Variants in GHITM observed in about 807,000 individuals in gnomAD.
GHITM encodes the protein growth hormone-inducible transmembrane protein.
A neutral mutation model predicts 38.7 loss-of-function variants in GHITM; 24 were observed. The ratio of observed to expected loss-of-function variants is 0.62; its 90% CI spans 0.45 to 0.87. GHITM has a LOEUF of 0.87. Ranked by LOEUF, GHITM falls within the 40% of genes least tolerant of loss-of-function variation. The pLI, the probability that GHITM is intolerant of heterozygous loss-of-function variation, is 0.00. For missense variants in GHITM, 420 were observed against 429.8 expected, an observed-to-expected ratio of 0.98 and a Z score of 0.20; for synonymous variants, 154 against 147.8, an observed-to-expected ratio of 1.04 and a Z score of -0.30.
intron 1 of GHITM, chr10:84,140,312 A>G (rs1304516143): frequency 6.6e-6 from 1 of 152,254 alleles, no homozygotes; most frequent in East Asian, 1.9e-4. Context: ...TAAGACCCTT[A>G]ATAGTTCAGT....
Position 84,152,382 on chromosome 10 carries a change from A to C in GHITM, c.*34A>C, listed in dbSNP as rs764675575. 1 of 1,226,570 alleles carries C rather than the reference A, an allele frequency of 8.2e-7. No homozygotes were observed. Among genetic ancestry groups the C allele is most frequent in the Non-Finnish European group, 1.2e-6 (1 of 835,128 alleles). 76.0% of individuals were successfully genotyped at this position (1,226,570 alleles called of 1,614,324 possible). On this transcript the variant is annotated 3_prime_UTR_variant, in exon 9 of 9. Coordinates refer to ENST00000372134, the MANE Select transcript of GHITM (RefSeq NM_014394.3). Reference sequence around the variant, plus strand: ...AGCTTCTGGCTTCTCTGCTACATCAAATATCTTGTTTAATGGGGCAGATAT... The same window carrying C: ...AGCTTCTGGCTTCTCTGCTACATCACATATCTTGTTTAATGGGGCAGATAT...
intron 1 of GHITM, chr10:84,140,419 T>A (rs1267200581): frequency 6.6e-6 from 1 of 152,092 alleles, no homozygotes; most frequent in East Asian, 1.9e-4. Context: ...TTCCTAGGGG[T>A]AGAATCATTA....
Position 84,152,272 on chromosome 10 carries a change from G to A in GHITM, c.962G>A (p.Ser321Asn). ...QKYDPINSML[S>N]IYMDTLNIFM... ...ATAATTTTCTTTTCTAGGATGCTGA[G>A]TATCTACATGGATACATTAAATATA... Residue 321 changes from serine to asparagine, a missense_variant, in exon 9 of 9, where the codon AGT becomes AAT. Physicochemically the swap from Ser to Asn is conservative, Grantham distance 46. Transcript: ENST00000372134. 1.3e-6 allele frequency: 2 copies of A among 1,562,794 alleles called. No individual in the cohort carries two copies. The highest frequency in any genetic ancestry group is 1.8e-6 in the Non-Finnish European group (2 of 1,137,188).
At chr10:84,150,617 A>C in intron 7 of GHITM, 92 bp from the exon 8 acceptor site, 2 of 1,004,800 alleles carry the variant, frequency 2.0e-6, no homozygotes, top group South Asian at 3.4e-5. Flanking sequence ...ACAGTATACC[A>C]AGGAGATTTT....
intron 5 of GHITM, among the ~76,000 whole-genome samples, chr10:84,145,879 T>A (rs1407124966): frequency 2.0e-5 from 3 of 152,144 alleles, no homozygotes; most frequent in African/African-American, 7.2e-5. Flanking sequence ...TGTTGAAGGC[T>A]AACATGTCTC....
At chr10:84,143,240 A>G (rs1383105783) in intron 3 of GHITM, among the ~76,000 whole-genome samples, 2 of 152,200 alleles carry the variant, frequency 1.3e-5, no homozygotes, top group Non-Finnish European at 2.9e-5. Context: ...AAGTTCAGAA[A>G]CTAGATTGTT....
intron 5 of GHITM, among the ~76,000 whole-genome samples, chr10:84,147,630 G>GT (rs975706234): frequency 4.7e-5 from 7 of 149,934 alleles, no homozygotes; most frequent in Admixed American, 2.0e-4. Context: ...TTTTTTGTTT[G>GT]TTTTTTTAAA....
At position 84,144,030 on chromosome 10, in the gene GHITM, G is replaced by T. The variant is rs766574333; in HGVS notation, c.265G>T (p.Ala89Ser). The T allele has an allele frequency of 4.3e-6, 7 of 1,614,020 alleles. No homozygotes were observed. The highest frequency in any genetic ancestry group is 5.9e-6 in the Non-Finnish European group (7 of 1,179,904). The change falls in exon 4 of 9, where the codon GCT becomes TCT. Residue 89 changes from alanine to serine, a missense_variant. By Grantham distance (99) the Ala-to-Ser change is moderately conservative. Transcript: ENST00000372134. ...GGGAAGATGGTTTGTTGCTGGAGGGGCTGCTGTTGGTCTTGGAGCATTGTG... is the reference window on the plus strand; with the variant it reads ...GGGAAGATGGTTTGTTGCTGGAGGGTCTGCTGTTGGTCTTGGAGCATTGTG... ...QMGRWFVAGGAAVGLGALCYY... is the reference protein window; with the variant it reads ...QMGRWFVAGGSAVGLGALCYY...
chr10:84,153,360 A>G lies in GHITM; in HGVS notation c.*1012A>G, dbSNP rs1438444042. On this transcript the variant is annotated 3_prime_UTR_variant, in exon 9 of 9. Transcript: ENST00000372134. ...TCTCGCATTGCCTCTCAGACTAAGC[A>G]CTAAAAAGCAAAGCAAAACAGAACT... 3 of 152,188 alleles carry G rather than the reference A, an allele frequency of 2.0e-5. No individual in the cohort carries two copies. The highest frequency in any genetic ancestry group is 6.5e-5 in the Admixed American group (1 of 15,286). 9.4% of individuals were successfully genotyped at this position (152,188 alleles called of 1,614,324 possible). A position where few individuals can be genotyped will look rare whatever the true frequency, so the allele number is the denominator to read the frequency against.
At chr10:84,149,848 GA>G (rs1197104234) in intron 6 of GHITM, among the ~76,000 whole-genome samples, 2 of 152,168 alleles carry the variant, frequency 1.3e-5, no homozygotes, top group Non-Finnish European at 2.9e-5. Context: ...GATTGATTAG[GA>G]ATAGTGTTAA....
intron 5 of GHITM, among the ~76,000 whole-genome samples, chr10:84,145,314 A>G (rs144273745): frequency 6.6e-6 from 1 of 152,214 alleles, no homozygotes; most frequent in African/African-American, 2.4e-5. Flanking sequence ...AATAGTCCGA[A>G]ATCTGAAGTC....
intron 5 of GHITM, among the ~76,000 whole-genome samples, chr10:84,147,104 C>T (rs1841564224): frequency 6.6e-6 from 1 of 152,024 alleles, no homozygotes; most frequent in South Asian, 2.1e-4. Flanking sequence ...GTGCCAGTTC[C>T]GTATGGTTGG....
chr10:84,142,915 G>A (rs563240154), intron 3 of GHITM, among the ~76,000 whole-genome samples, 161 bp downstream of exon 3: 4 of 152,196 alleles, frequency 2.6e-5, no homozygotes, highest in Admixed American at 1.3e-4. Context: ...ACTTTGCACT[G>A]GATTCAGTGG....
rs923447145 is a variant in GHITM, at chr10:84,152,640, CT to C, written c.*298del. 3 of 261,312 alleles carry C rather than the reference CT, an allele frequency of 1.1e-5. No individual in the cohort carries two copies. The highest frequency in any genetic ancestry group is 6.6e-5 in the African/African-American group (3 of 45,122). 16.2% of individuals were successfully genotyped at this position (261,312 alleles called of 1,614,324 possible). A position where few individuals can be genotyped will look rare whatever the true frequency, so the allele number is the denominator to read the frequency against. On this transcript the variant is annotated 3_prime_UTR_variant, in exon 9 of 9. Coordinates refer to ENST00000372134, the MANE Select transcript of GHITM (RefSeq NM_014394.3). Reference sequence around the variant, plus strand: ...AAGTTTGTGTCATGAGAATGTAAGTCTTTTTTCTACTTTAAAATTTAGTAGG... The same window carrying C: ...AAGTTTGTGTCATGAGAATGTAAGTCTTTTTCTACTTTAAAATTTAGTAGG...
chr10:84,145,053 A>G, intron 5 of GHITM, 37 bp downstream of exon 5: 1 of 1,526,336 alleles, frequency 6.6e-7, no homozygotes, highest in Non-Finnish European at 9.0e-7. Flanking sequence ...TTTCATCTAA[A>G]GATCAAAAGA....
intron 2 of GHITM, 135 bp downstream of exon 2, chr10:84,141,764 T>C: frequency 2.6e-6 from 2 of 774,188 alleles, no homozygotes; most frequent in Non-Finnish European, 4.4e-6. Flanking sequence ...CAGCTCTTTC[T>C]CCCCATTAGT....
chr10:84,149,315 A>T (rs530824419), intron 6 of GHITM, among the ~76,000 whole-genome samples: 1 of 152,230 alleles, frequency 6.6e-6, no homozygotes, highest in Non-Finnish European at 1.5e-5. Flanking sequence ...ATTATTCATC[A>T]TCATGAGATA....
rs1383551950 is a variant in GHITM, at chr10:84,152,314, CTA to C, written c.1006_1007del (p.Met336AlafsTer12). ...TTAAATATATTTATGCGAGTTGCAACTATGCTGGCAACTGGAGGCAACAGAAA... is the reference window on the plus strand; with the variant it reads ...TTAAATATATTTATGCGAGTTGCAACTGCTGGCAACTGGAGGCAACAGAAA... On this transcript the variant is annotated frameshift_variant, in exon 9 of 9. Coordinates refer to ENST00000372134, the MANE Select transcript of GHITM (RefSeq NM_014394.3). LOFTEE classifies it high-confidence loss of function. 26 of 1,606,764 alleles carry C rather than the reference CTA, an allele frequency of 1.6e-5. No homozygotes were observed. The highest frequency in any genetic ancestry group is 1.8e-5 in the Non-Finnish European group (21 of 1,174,720).
intron 3 of GHITM, 38 bp downstream of exon 3, chr10:84,142,792 G>A: frequency 8.8e-7 from 1 of 1,131,660 alleles, no homozygotes; most frequent in South Asian, 1.3e-5. Context: ...TAGAATCTAT[G>A]GATATGTTTT....
Sources: allele counts gnomAD v4.1 joint callset (sites outside exome capture counted in the v4.1 genomes callset), GRCh38; gene constraint gnomAD v4.1.1; transcripts MANE v1.5; gene names NCBI Gene and HGNC (gene_info 2026-07-23, HGNC 2026-07-21).